Variants in CDR2 observed in about 807,000 individuals in gnomAD.
CDR2 encodes the protein cerebellar degeneration-related protein 2.
CDR2 carries 34 observed loss-of-function variants against 48.4 expected under a neutral mutation model. That is an observed-to-expected ratio of 0.70 (90% confidence interval 0.53 to 0.94). The LOEUF is 0.94. CDR2 is among the 40% of genes least tolerant of loss of function. The pLI is 0.00. For synonymous variants in CDR2, 240 were observed against 219.7 expected, an observed-to-expected ratio of 1.09 and a Z score of -0.82; for missense variants, 498 against 549.5, an observed-to-expected ratio of 0.91 and a Z score of 0.94.
intron 1 of CDR2, among the ~76,000 whole-genome samples, chr16:22,372,107 T>C (rs1465481357): frequency 6.6e-6 from 1 of 152,138 alleles, no homozygotes; most frequent in Non-Finnish European, 1.5e-5. Context: ...TGGCCTCAGG[T>C]TATATGCCCG....
intron 2 of CDR2, among the ~76,000 whole-genome samples, chr16:22,356,226 C>T (rs1253347661): frequency 3.3e-5 from 5 of 152,332 alleles, no homozygotes; most frequent in African/African-American, 9.6e-5. Flanking sequence ...TCCTAGATCT[C>T]ATTAGATAAT....
chr16:22,361,522 A>G (rs2049010261), intron 2 of CDR2, among the ~76,000 whole-genome samples: 1 of 152,216 alleles, frequency 6.6e-6, no homozygotes, highest in African/African-American at 2.4e-5. Flanking sequence ...CTACATCGTG[A>G]TCTCTACATC....
chr16:22,360,270 A>C (rs1487682336), intron 2 of CDR2, among the ~76,000 whole-genome samples: 1 of 152,198 alleles, frequency 6.6e-6, no homozygotes, highest in Non-Finnish European at 1.5e-5. Flanking sequence ...TTCTTAAAAA[A>C]TTATCTAAGT....
At chr16:22,372,159 T>C (rs1181390779) in intron 1 of CDR2, among the ~76,000 whole-genome samples, 3 of 152,068 alleles carry the variant, frequency 2.0e-5, no homozygotes, top group Non-Finnish European at 4.4e-5. Flanking sequence ...CATGAGTCAC[T>C]GCGCCCAGCC....
chr16:22,374,144 G>A, intron 1 of CDR2, 87 bp downstream of exon 1: 2 of 861,606 alleles, frequency 2.3e-6, no homozygotes, highest in East Asian at 3.0e-5. Flanking sequence ...ATCCTCCGCC[G>A]CCACAAAAAG....
chr16:22,349,532 A>G (rs2048928486), intron 3 of CDR2, 89 bp from the exon 4 acceptor site: 4 of 1,467,416 alleles, frequency 2.7e-6, no homozygotes, highest in Middle Eastern at 1.9e-4. Context: ...AACCACTCAC[A>G]CTGGGCTTTC....
chr16:22,360,191 C>T (rs1332814973), intron 2 of CDR2, among the ~76,000 whole-genome samples: 1 of 152,130 alleles, frequency 6.6e-6, no homozygotes, highest in Non-Finnish European at 1.5e-5. Flanking sequence ...TGTCTGATCT[C>T]ATTACTCTCC....
At chr16:22,373,698 T>C (rs540903108) in intron 1 of CDR2, among the ~76,000 whole-genome samples, 33 of 152,342 alleles carry the variant, frequency 2.2e-4, no homozygotes, top group African/African-American at 7.2e-4. Flanking sequence ...CACAAATATA[T>C]ACACCTACCA....
At chr16:22,350,219 G>A (rs2048933488) in intron 2 of CDR2, among the ~76,000 whole-genome samples, 1 of 151,866 alleles carries the variant, frequency 6.6e-6, no homozygotes. Flanking sequence ...CTGCTGTTCT[G>A]CTGTTCCAAC....
chr16:22,363,379 G>A (rs1251874956), intron 2 of CDR2, among the ~76,000 whole-genome samples: 1 of 152,152 alleles, frequency 6.6e-6, no homozygotes, highest in Non-Finnish European at 1.5e-5. Flanking sequence ...GTGTATTTCA[G>A]AAATCCTGCT....
chr16:22,355,283 C>CT (rs1241616492), intron 2 of CDR2, among the ~76,000 whole-genome samples: 2 of 151,988 alleles, frequency 1.3e-5, no homozygotes, highest in Admixed American at 6.6e-5. Context: ...ATATCTTTGC[C>CT]TTTTTTGGAG....
At position 22,365,285 on chromosome 16, in the gene CDR2, G is replaced by A. The variant is rs147118541; in HGVS notation, c.80-271C>T. 539 of 270,694 alleles carry A rather than the reference G, an allele frequency of 2.0e-3. 3 individuals carry two copies. The highest frequency in any genetic ancestry group is 0.011 in the African/African-American group (510 of 45,484). 16.8% of individuals were successfully genotyped at this position (270,694 alleles called of 1,614,324 possible). A position where few individuals can be genotyped will look rare whatever the true frequency, so the allele number is the denominator to read the frequency against. ...TTATTTGTTCAGGAATGATCATTCC[G>A]CAGTGTTACTTCTAAAATCCTATTT... On this transcript the variant is annotated intron_variant, in intron 1 of 4. Coordinates refer to ENST00000268383, the MANE Select transcript of CDR2 (RefSeq NM_001802.2).
intron 1 of CDR2, among the ~76,000 whole-genome samples, chr16:22,366,658 G>T (rs1302261629): frequency 1.3e-5 from 2 of 152,070 alleles, no homozygotes; most frequent in African/African-American, 4.8e-5. Context: ...GGAGGGGGAA[G>T]ACTCAAATCA....
chr16:22,349,661 T>C, intron 3 of CDR2, 40 bp downstream of exon 3: 1 of 1,605,664 alleles, frequency 6.2e-7, no homozygotes, highest in Non-Finnish European at 8.5e-7. Flanking sequence ...ACTAAAGAAC[T>C]TCCCCCTAGT....
intron 2 of CDR2, among the ~76,000 whole-genome samples, chr16:22,363,581 T>C (rs2049025081): frequency 6.6e-6 from 1 of 152,228 alleles, no homozygotes; most frequent in Non-Finnish European, 1.5e-5. Flanking sequence ...GTTCAGGAAA[T>C]AATCAAAGCT....
Position 22,367,586 on chromosome 16 carries a change from A to T in CDR2, c.80-2572T>A, listed in dbSNP as rs180904061. ...TATTATGAAAAAAATTTATCATAAA[A>T]ACAAGGAAACTCACTACATAATGAT... On this transcript the variant is annotated intron_variant, in intron 1 of 4. Transcript: ENST00000268383. Among the ~76,000 whole-genome samples the T allele has an allele frequency of 9.5e-4, 144 of 152,344 alleles. 1 individual carries two copies. Among genetic ancestry groups the T allele is most frequent in the African/African-American group, 2.6e-3 (110 of 41,578 alleles).
intron 2 of CDR2, among the ~76,000 whole-genome samples, chr16:22,354,973 C>T (rs1469872533): frequency 6.6e-6 from 1 of 152,134 alleles, no homozygotes; most frequent in African/African-American, 2.4e-5. Flanking sequence ...TTAATGAACT[C>T]CCACGTACCC....
At chr16:22,360,368 T>C (rs942398107) in intron 2 of CDR2, among the ~76,000 whole-genome samples, 1 of 152,240 alleles carries the variant, frequency 6.6e-6, no homozygotes, top group Admixed American at 6.5e-5. Context: ...TTTAATCTTT[T>C]TTCGTTTTCA....
At chr16:22,361,993 C>T (rs955551783) in intron 2 of CDR2, among the ~76,000 whole-genome samples, 2 of 151,532 alleles carry the variant, frequency 1.3e-5, no homozygotes, top group African/African-American at 4.9e-5. Context: ...GCTCCGCCTC[C>T]CGGGTTCACG....
Sources: allele counts gnomAD v4.1 joint callset (sites outside exome capture counted in the v4.1 genomes callset), GRCh38; gene constraint gnomAD v4.1.1; transcripts MANE v1.5; gene names NCBI Gene and HGNC (gene_info 2026-07-23, HGNC 2026-07-21).